Variants in ACTR3B observed in about 807,000 individuals in gnomAD.
ACTR3B encodes the protein actin-related protein 3B.
Under a neutral mutation model 59.0 loss-of-function variants are expected in ACTR3B, and 8 were observed. The ratio of observed to expected loss-of-function variants is 0.14; its 90% CI spans 0.08 to 0.24. ACTR3B has a LOEUF of 0.24. Ranked by LOEUF, ACTR3B falls within the 10% of genes least tolerant of loss-of-function variation. The pLI is 1.00. For synonymous variants in ACTR3B, 148 were observed against 197.9 expected, an observed-to-expected ratio of 0.75 and a Z score of 2.12; for missense variants, 245 against 552.3, an observed-to-expected ratio of 0.44 and a Z score of 5.58.
chr7:152,769,495 C>T (rs541191466), intron 1 of ACTR3B, among the ~76,000 whole-genome samples: 239 of 152,060 alleles, frequency 1.6e-3, no homozygotes, highest in Admixed American at 4.2e-3. Flanking sequence ...ATTGTCTGTA[C>T]CCAAAATATT....
intron 1 of ACTR3B, among the ~76,000 whole-genome samples, chr7:152,773,325 C>T (rs747897271): frequency 1.1e-4 from 16 of 152,164 alleles, no homozygotes; most frequent in East Asian, 5.8e-4. Context: ...CAGTGGCTCA[C>T]GCCTGTAATC....
At chr7:152,796,752 T>G (rs1439425693) in intron 2 of ACTR3B, among the ~76,000 whole-genome samples, 1 of 135,148 alleles carries the variant, frequency 7.4e-6, no homozygotes, top group African/African-American at 2.5e-5. Flanking sequence ...TCTTGTTCTG[T>G]TACCCAGGCT....
At position 152,820,434 on chromosome 7, in the gene ACTR3B, G is replaced by A; in HGVS notation, c.676G>A (p.Ala226Thr). 1 of 1,603,952 alleles carries A rather than the reference G, an allele frequency of 6.2e-7. No individual in the cohort carries two copies. Among genetic ancestry groups the A allele is most frequent in the Non-Finnish European group, 8.5e-7 (1 of 1,173,302 alleles). The change falls in exon 7 of 12, where the codon GCC (alanine) becomes ACC (threonine). Residue 226 changes from alanine (A) to threonine (T), a missense_variant. Ala to Thr is a moderately conservative substitution (Grantham distance 58). Around this residue, in one of 7 missense-constraint regions of ACTR3B, gnomAD observed 153 missense variants for 266.2 expected, o/e 0.57. Transcript: ENST00000256001. Reference sequence around the variant, plus strand: ...TGAGCAGTCACTGGAGACCGCAAAAGCCATTAAGGTAAAAACAGATGGGAA... The same window carrying A: ...TGAGCAGTCACTGGAGACCGCAAAAACCATTAAGGTAAAAACAGATGGGAA... ...PPEQSLETAK[A>T]IKEKYCYICP...
rs534039379 is a variant in ACTR3B, at chr7:152,831,598, C to T, written c.951+6476C>T. Among the ~76,000 whole-genome samples the T allele has an allele frequency of 9.8e-5, 15 of 152,358 alleles. No homozygotes were observed. In the South Asian group the frequency reaches 1.9e-3, roughly 19 times the overall value. On this transcript the variant is annotated intron_variant, in intron 9 of 11. Transcript: ENST00000256001. ...TGTGGCTGATGGCCGTCCTACAGGA[C>T]GACTCAGATCAACTCAGGTCGGAGT... is the stretch of plus-strand genomic sequence containing the variant.
intron 1 of ACTR3B, among the ~76,000 whole-genome samples, chr7:152,777,562 C>A (rs557174756): frequency 6.6e-6 from 1 of 152,306 alleles, no homozygotes; most frequent in South Asian, 2.1e-4. Context: ...TGATTTCTGT[C>A]TATTCATTTA....
chr7:152,853,425 C>G (rs1798994435), intron 10 of ACTR3B, 69 bp from the exon 11 acceptor site: 1 of 1,479,076 alleles, frequency 6.8e-7, no homozygotes, highest in East Asian at 2.3e-5. Context: ...GTGGTCTCGT[C>G]AGCCGGGGGA....
intron 9 of ACTR3B, among the ~76,000 whole-genome samples, chr7:152,832,501 T>A (rs1311919207): frequency 6.6e-6 from 1 of 152,142 alleles, no homozygotes; most frequent in African/African-American, 2.4e-5. Flanking sequence ...GAGAGATTGT[T>A]AGTCAGGGCT....
At chr7:152,760,410 C>G (rs2098085843) in intron 1 of ACTR3B, among the ~76,000 whole-genome samples, 1 of 152,262 alleles carries the variant, frequency 6.6e-6, no homozygotes, top group Non-Finnish European at 1.5e-5. Context: ...GGCCCTCGTT[C>G]TGTCCCCGCG....
intron 1 of ACTR3B, among the ~76,000 whole-genome samples, chr7:152,773,709 T>G (rs556011730): frequency 6.6e-6 from 1 of 152,320 alleles, no homozygotes; most frequent in South Asian, 2.1e-4. Context: ...ATTGTTATTT[T>G]TTTGGTTTAT....
chr7:152,850,538 T>C (rs1798721408), intron 9 of ACTR3B, among the ~76,000 whole-genome samples: 1 of 152,282 alleles, frequency 6.6e-6, no homozygotes, highest in Non-Finnish European at 1.5e-5. Context: ...CACTGGTGGC[T>C]TCCTGTGGCT....
At chr7:152,763,357 G>C (rs936657815) in intron 1 of ACTR3B, among the ~76,000 whole-genome samples, 3 of 148,802 alleles carry the variant, frequency 2.0e-5, no homozygotes, top group African/African-American at 7.4e-5. Flanking sequence ...ATTTGTGGGG[G>C]AATATTTTAT....
rs1796034477 is a variant in ACTR3B at position 152,820,193 on chromosome 7, C to T, written c.541-106C>T. ...GGGATTATGTAAATGCTTGTCAGTGCCATGAGGGGCAGACAGGGAGGCTGA... is the reference window on the plus strand; with the variant it reads ...GGGATTATGTAAATGCTTGTCAGTGTCATGAGGGGCAGACAGGGAGGCTGA... On this transcript the variant is annotated intron_variant, in intron 6 of 11. Coordinates refer to ENST00000256001, the MANE Select transcript of ACTR3B (RefSeq NM_020445.6). 3 of 1,548,142 alleles carry T rather than the reference C, an allele frequency of 1.9e-6. No homozygotes were observed. The South Asian group carries it at 3.8e-5, about 19-fold the overall frequency.
chr7:152,772,249 T>C (rs2098125831), intron 1 of ACTR3B, among the ~76,000 whole-genome samples: 1 of 151,152 alleles, frequency 6.6e-6, no homozygotes, highest in Non-Finnish European at 1.5e-5. Flanking sequence ...CTGGGCACAG[T>C]GGCTAATGCC....
At chr7:152,803,218 A>G (rs112382844) in intron 4 of ACTR3B, among the ~76,000 whole-genome samples, 3,330 of 152,106 alleles carry the variant, frequency 0.022, 121 homozygotes, top group African/African-American at 0.071. Flanking sequence ...CTAATTTTTA[A>G]AAATTTTTTT....
intron 9 of ACTR3B, among the ~76,000 whole-genome samples, chr7:152,843,290 T>G (rs9640311): frequency 0.52 from 77,881 of 150,488 alleles, 21,724 homozygotes; most frequent in East Asian, 0.69. Flanking sequence ...TAAAAAATGG[T>G]TTTTCAAAGA....
intron 9 of ACTR3B, among the ~76,000 whole-genome samples, chr7:152,840,583 C>T (rs1320031261): frequency 1.4e-5 from 2 of 147,850 alleles, no homozygotes; most frequent in Non-Finnish European, 3.0e-5. Context: ...GGGCTCCGAA[C>T]GCCCTGTCAG....
At chr7:152,776,752 A>T (rs2098137073) in intron 1 of ACTR3B, among the ~76,000 whole-genome samples, 1 of 152,286 alleles carries the variant, frequency 6.6e-6, no homozygotes, top group Non-Finnish European at 1.5e-5. Context: ...GGATTAATTT[A>T]CTTGCCTGAA....
intron 3 of ACTR3B, among the ~76,000 whole-genome samples, chr7:152,801,154 A>G (rs1288476318): frequency 1.3e-5 from 2 of 152,402 alleles, no homozygotes; most frequent in East Asian, 3.9e-4. Flanking sequence ...GTCTTGGCTC[A>G]CTGCAGCCTC....
chr7:152,761,992 T>G (rs1446152755), intron 1 of ACTR3B, among the ~76,000 whole-genome samples: 1 of 152,172 alleles, frequency 6.6e-6, no homozygotes. Context: ...TCATCAGAAA[T>G]CAAGAGAAAT....
Sources: gnomAD v4.1 joint callset for allele counts (sites outside exome capture counted in the v4.1 genomes callset) on GRCh38, gnomAD v4.1.1 for gene constraint, gnomAD v4.1.1 regional missense constraint, MANE v1.5 for transcripts, NCBI Gene and HGNC (gene_info 2026-07-23, HGNC 2026-07-21) for gene names.